The following ENPP1 variants were observed in gnomAD, a reference collection of about 807,000 sequenced individuals.
The protein encoded by ENPP1 is ectonucleotide pyrophosphatase/phosphodiesterase 1.
A neutral mutation model predicts 122.8 loss-of-function variants in ENPP1; 73 were observed. The ratio of observed to expected loss-of-function variants is 0.59; its 90% confidence interval spans 0.49 to 0.72. The LOEUF is 0.72. Among genes scored for constraint, ENPP1 ranks in the 30% least tolerant of loss-of-function variants. ENPP1 has a pLI of 0.00. For missense variants in ENPP1, 978 were observed against 1,128.1 expected, an observed-to-expected ratio of 0.87 and a Z score of 1.91; for synonymous variants, 367 against 391.6, an observed-to-expected ratio of 0.94 and a Z score of 0.74.
rs550644299 is a variant in ENPP1 at position 131,877,023 on chromosome 6, C to T, written c.1755C>T (p.Asn585=). 12 of 1,613,954 alleles carry T rather than the reference C, an allele frequency of 7.4e-6. No individual in the cohort carries two copies. The highest frequency in any genetic ancestry group is 6.7e-5 in the African/African-American group (5 of 74,926). ...TGAATTTGACACCGGCTCCTAATAA[C>T]GGAACTCATGGAAGTCTTAACCACC... ...DLLNLTPAPN[N]GTHGSLNHLL... The change falls in exon 18 of 25, where the codon AAC becomes AAT. Residue 585 remains asparagine (N), a synonymous_variant. Coordinates refer to ENST00000647893, the MANE Select transcript of ENPP1 (RefSeq NM_006208.3).
chr6:131,846,487 TC>T (rs925725988), intron 1 of ENPP1, among the ~76,000 whole-genome samples: 7 of 151,744 alleles, frequency 4.6e-5, no homozygotes, highest in African/African-American at 1.2e-4. Flanking sequence ...CGCCATCATT[TC>T]CCCCCCATTC....
Position 131,854,938 on chromosome 6 carries a change from T to A in ENPP1, c.630T>A (p.Pro210=), listed in dbSNP as rs1002914068. ...EPQCPAGFET[P]PTLLFSLDGF... ...TTTCATTACCCAGGTTTGAAACGCC[T>A]CCTACCCTCTTATTTTCTTTGGATG... is the stretch of plus-strand genomic sequence containing the variant. Residue 210 remains proline, a synonymous_variant, in exon 6 of 25, where the codon CCT becomes CCA. Transcript: ENST00000647893. The A allele has an allele frequency of 2.0e-5, 32 of 1,612,920 alleles. No individual in the cohort carries two copies. The highest frequency in any genetic ancestry group is 2.4e-5 in the Non-Finnish European group (28 of 1,179,106).
chr6:131,810,453 C>CT (rs1562505777), intron 1 of ENPP1, among the ~76,000 whole-genome samples: 6 of 142,408 alleles, frequency 4.2e-5, no homozygotes, highest in African/African-American at 1.3e-4. Flanking sequence ...ACCCCGCCCC[C>CT]CCCCCAAAAA....
At chr6:131,885,497 T>C (rs1782365533) in intron 23 of ENPP1, among the ~76,000 whole-genome samples, 1 of 152,186 alleles carries the variant, frequency 6.6e-6, no homozygotes, top group African/African-American at 2.4e-5. Context: ...GTGAATGTTA[T>C]GGCTTTTACC....
At chr6:131,845,551 GGTTCAA>G (rs2114686352) in intron 1 of ENPP1, among the ~76,000 whole-genome samples, 1 of 151,124 alleles carries the variant, frequency 6.6e-6, no homozygotes, top group South Asian at 2.1e-4. Flanking sequence ...CCGCCTCCCG[GGTTCAA>G]GCGATTCTCC....
intron 1 of ENPP1, chr6:131,826,706 T>A: frequency 1.7e-6 from 1 of 581,228 alleles, no homozygotes; most frequent in Non-Finnish European, 3.0e-6. Flanking sequence ...AATTCTTCAG[T>A]GAAGGCAAGA....
At chr6:131,850,998 G>A (rs982077852) in intron 3 of ENPP1, 144 bp from the exon 4 acceptor site, 3 of 856,050 alleles carry the variant, frequency 3.5e-6, no homozygotes, top group East Asian at 2.5e-5. Flanking sequence ...GGCCATGGTA[G>A]TGGCAGATTC....
intron 1 of ENPP1, among the ~76,000 whole-genome samples, chr6:131,837,257 G>A (rs551759444): frequency 6.6e-6 from 1 of 150,708 alleles, no homozygotes; most frequent in Admixed American, 6.6e-5. Flanking sequence ...CAGACACGAT[G>A]GCTCATGCCT....
At position 131,872,978 on chromosome 6, in the gene ENPP1, G is replaced by T. The variant is rs762558218; in HGVS notation, c.1493G>T (p.Arg498Leu). Residue 498 changes from arginine (R) to leucine (L), a missense_variant, in exon 15 of 25, where the codon CGT (arginine) becomes CTT (leucine). By Grantham distance (102) the Arg-to-Leu change is moderately radical. This residue lies in a region of ENPP1 where 644 missense variants were observed against 781.5 expected (regional missense o/e 0.82). Coordinates refer to ENST00000647893, the MANE Select transcript of ENPP1 (RefSeq NM_006208.3). ...KPYLKHFLPKRLHFAKSDRIE... is the reference protein window; with the variant it reads ...KPYLKHFLPKLLHFAKSDRIE... Reference sequence around the variant, plus strand: ...TACCTGAAACATTTCTTACCTAAGCGTTTGCACTTTGCTAAGAGTGATAGA... The same window carrying T: ...TACCTGAAACATTTCTTACCTAAGCTTTTGCACTTTGCTAAGAGTGATAGA... 6.2e-7 allele frequency: 1 copy of T among 1,613,734 alleles called. No individual in the cohort carries two copies. The highest frequency in any genetic ancestry group is 8.5e-7 in the Non-Finnish European group (1 of 1,179,778).
chr6:131,869,147 T>G (rs1585830316), intron 12 of ENPP1, among the ~76,000 whole-genome samples: 1 of 152,162 alleles, frequency 6.6e-6, no homozygotes, highest in Admixed American at 6.5e-5. Context: ...AGAAGAAACA[T>G]TAACCAAAAT....
chr6:131,833,814 C>G (rs1781641206), intron 1 of ENPP1, among the ~76,000 whole-genome samples: 1 of 152,162 alleles, frequency 6.6e-6, no homozygotes, highest in Admixed American at 6.5e-5. Context: ...CTACTGAAGA[C>G]AGGAGACAGT....
intron 2 of ENPP1, 89 bp downstream of exon 2, chr6:131,847,937 AT>A: frequency 1.0e-6 from 1 of 971,590 alleles, no homozygotes; most frequent in South Asian, 1.4e-5. Flanking sequence ...TGAGGTAAAC[AT>A]TATCTCCTAT....
chr6:131,869,615 G>A, intron 13 of ENPP1, 126 bp downstream of exon 13: 1 of 880,068 alleles, frequency 1.1e-6, no homozygotes, highest in Admixed American at 1.9e-5. Context: ...GATCACCTGA[G>A]GTCAGGAGTT....
chr6:131,890,539 A>G lies in ENPP1; in HGVS notation c.*28A>G, dbSNP rs1321455663. On this transcript the variant is annotated 3_prime_UTR_variant, in exon 25 of 25. Transcript: ENST00000647893. ...TGTTTTTTATCCCCAAACACCATGA[A>G]TCTTTTTGAGAGAACCTTATATTTT... The G allele has an allele frequency of 9.5e-6, 15 of 1,583,322 alleles. No homozygotes were observed. Among genetic ancestry groups the G allele is most frequent in the Non-Finnish European group, 1.2e-5 (14 of 1,152,112 alleles).
At chr6:131,834,528 CTT>C (rs34437450) in intron 1 of ENPP1, among the ~76,000 whole-genome samples, 43,847 of 132,662 alleles carry the variant, frequency 0.33, 6,729 homozygotes, top group Middle Eastern at 0.49. Flanking sequence ...AGGTAATAGT[CTT>C]TTTTTTTTTT....
chr6:131,881,752 T>A (rs1348889740), intron 20 of ENPP1, among the ~76,000 whole-genome samples: 3 of 151,218 alleles, frequency 2.0e-5, no homozygotes, highest in South Asian at 2.1e-4. Flanking sequence ...GCGTGGTGGG[T>A]CACACCTGTA....
intron 1 of ENPP1, chr6:131,826,405 CA>C: frequency 1.1e-6 from 1 of 930,936 alleles, no homozygotes; most frequent in Non-Finnish European, 1.7e-6. Context: ...AATAGGACCC[CA>C]AAAGAGCTGC....
chr6:131,889,786 A>G, intron 24 of ENPP1, among the ~76,000 whole-genome samples: 1 of 152,144 alleles, frequency 6.6e-6, no homozygotes, highest in East Asian at 1.9e-4. Flanking sequence ...AATGATTTAT[A>G]TTCCTGTGGG....
At chr6:131,888,531 G>A (rs959735355) in intron 24 of ENPP1, among the ~76,000 whole-genome samples, 4 of 152,120 alleles carry the variant, frequency 2.6e-5, no homozygotes, top group Admixed American at 2.0e-4. Context: ...ACAATGATCC[G>A]TTTGCCATCC....
Sources: allele counts gnomAD v4.1 joint callset (sites outside exome capture counted in the v4.1 genomes callset), GRCh38; gene constraint gnomAD v4.1.1; regional missense constraint gnomAD v4.1.1; transcripts MANE v1.5; gene names NCBI Gene and HGNC (gene_info 2026-07-23, HGNC 2026-07-21).